Variants in ZFYVE26 observed in about 807,000 individuals in gnomAD.
ZFYVE26 encodes zinc finger FYVE domain-containing protein 26.
In ZFYVE26, 181 loss-of-function variants were observed where a neutral mutation model predicts 276.5. The ratio of observed to expected loss-of-function variants is 0.65; its 90% CI spans 0.58 to 0.74. The LOEUF is 0.74. Among genes scored for constraint, ZFYVE26 ranks in the 30% least tolerant of loss-of-function variants. ZFYVE26 has a pLI of 0.00. For synonymous variants in ZFYVE26, 1,129 were observed against 1,203.1 expected (o/e 0.94, Z 1.27); for missense variants, 2,821 against 3,097.9 (o/e 0.91, Z 2.12).
At chr14:67,797,360 A>T in intron 12 of ZFYVE26, 1 of 384,136 alleles carries the variant, frequency 2.6e-6, no homozygotes, top group South Asian at 2.6e-5. Context: ...GGTAAGTGAA[A>T]AAAGTTCTCA....
chr14:67,785,271 C>G lies in ZFYVE26; in HGVS notation c.3311G>C (p.Arg1104Thr). 1 of 1,602,164 alleles carries G rather than the reference C, an allele frequency of 6.2e-7. No individual in the cohort carries two copies. The highest frequency in any genetic ancestry group is 8.5e-7 in the Non-Finnish European group (1 of 1,174,252). ...CACCAGGGAAGACAGTGGAGGAGTC[C>G]TGGGCTCTGAGAGGAGGATGGCAGG... ...LREALELPEP[R>T]TPPLSSLVEQ... is the part of the protein sequence containing the mutation. Residue 1104 changes from arginine to threonine, a missense_variant, in exon 19 of 42, where the codon AGG (arginine) becomes ACG (threonine). By Grantham distance (71) the Arg-to-Thr change is moderately conservative. Transcript: ENST00000347230.
intron 20 of ZFYVE26, 79 bp downstream of exon 20, chr14:67,784,255 A>G (rs2039589411): frequency 8.4e-7 from 1 of 1,197,552 alleles, no homozygotes. Context: ...AACCCCAAGC[A>G]CCACCGCACT....
intron 16 of ZFYVE26, among the ~76,000 whole-genome samples, chr14:67,788,401 C>CACAA (rs753870262): frequency 9.2e-5 from 14 of 152,204 alleles, no homozygotes; most frequent in African/African-American, 2.4e-4. Context: ...ATCTCAAAAA[C>CACAA]ACAAACAAAC....
intron 32 of ZFYVE26, among the ~76,000 whole-genome samples, chr14:67,765,495 G>C (rs1377786978): frequency 6.6e-6 from 1 of 152,168 alleles, no homozygotes; most frequent in Non-Finnish European, 1.5e-5. Flanking sequence ...AGTATTCCAA[G>C]CAAATGTCTG....
intron 36 of ZFYVE26, 114 bp downstream of exon 36, chr14:67,755,834 C>A: frequency 7.6e-7 from 1 of 1,323,156 alleles, no homozygotes; most frequent in Non-Finnish European, 1.1e-6. Context: ...CTAGGGTCAG[C>A]CAAACAGCAA....
intron 32 of ZFYVE26, among the ~76,000 whole-genome samples, chr14:67,764,054 G>A (rs1566869739): frequency 6.6e-6 from 1 of 152,108 alleles, no homozygotes; most frequent in Admixed American, 6.5e-5. Flanking sequence ...TTAAGGATGG[G>A]CCCTCATTAT....
At chr14:67,785,321 T>C in intron 18 of ZFYVE26, 44 bp from the exon 19 acceptor site, 1 of 1,534,688 alleles carries the variant, frequency 6.5e-7, no homozygotes, top group South Asian at 1.2e-5. Flanking sequence ...CTTCAGTCTG[T>C]GAGTCCAGCT....
chr14:67,775,905 C>A lies in ZFYVE26; in HGVS notation c.5176G>T (p.Glu1726Ter). The A allele has an allele frequency of 6.2e-7, 1 of 1,614,230 alleles. No individual in the cohort carries two copies. The highest frequency in any genetic ancestry group is 1.1e-5 in the South Asian group (1 of 91,082). Reference sequence around the variant, plus strand: ...GGGTATGGAAAGTCCAGGGCTTTCTCTGCGTATCTGGAAAGCAGTGAGTCC... The same window carrying A: ...GGGTATGGAAAGTCCAGGGCTTTCTATGCGTATCTGGAAAGCAGTGAGTCC... ...EVDSLLSRYA[E>*]KALDFPYPQR... The change falls in exon 26 of 42, where the codon GAG (glutamate) becomes TAG (stop). Residue 1726 changes from glutamate (E) to a stop codon, truncating the protein, a stop_gained. Coordinates refer to ENST00000347230, the MANE Select transcript of ZFYVE26 (RefSeq NM_015346.4). LOFTEE classifies it high-confidence loss of function.
chr14:67,772,516 C>T (rs952486691), intron 27 of ZFYVE26, among the ~76,000 whole-genome samples: 5 of 152,296 alleles, frequency 3.3e-5, no homozygotes, highest in South Asian at 2.1e-4. Flanking sequence ...CAGATTGCCA[C>T]AGGAAGGCAG....
rs574871334 is a variant in ZFYVE26, at chr14:67,748,468, G to A, written c.7588C>T (p.Arg2530Trp). ...CTGGAGCCTGGGCCATGGGCACCCC[G>A]GGGGTGGCTTGTCAGAAGCCACTGG... ...CAQWLLTSHP[R>W]GAHGPGSRK Residue 2530 changes from arginine to tryptophan, a missense_variant, in exon 42 of 42, where the codon CGG (arginine) becomes TGG (tryptophan). Coordinates refer to ENST00000347230, the MANE Select transcript of ZFYVE26 (RefSeq NM_015346.4). 49 of 1,612,772 alleles carry A rather than the reference G, an allele frequency of 3.0e-5. 1 individual carries two copies. Among genetic ancestry groups the A allele is most frequent in the South Asian group, 2.1e-4 (19 of 91,020 alleles).
Position 67,804,257 on chromosome 14 carries a change from T to A in ZFYVE26, c.1279A>T (p.Ile427Leu), listed in dbSNP as rs1049361995. 6.2e-7 allele frequency: 1 copy of A among 1,614,066 alleles called. No homozygotes were observed. The highest frequency in any genetic ancestry group is 8.5e-7 in the Non-Finnish European group (1 of 1,180,032). ...EWCIQQSSNP[I>L]PKRDLLYHLH... ...TGATACAACAGATCTCTCTTTGGTA[T>A]GGGGTTGCTGAATGGAAAAGTTGGG... Residue 427 changes from isoleucine (I) to leucine (L), a missense_variant, in exon 9 of 42, where the codon ATA (isoleucine) becomes TTA (leucine). Ile to Leu is a conservative substitution (Grantham distance 5, BLOSUM62 2). Coordinates refer to ENST00000347230, the MANE Select transcript of ZFYVE26 (RefSeq NM_015346.4).
intron 13 of ZFYVE26, among the ~76,000 whole-genome samples, chr14:67,736,134 G>A (rs1041150529): frequency 6.6e-6 from 1 of 152,222 alleles, no homozygotes; most frequent in Non-Finnish European, 1.5e-5. Context: ...GGGCAGAGAT[G>A]TATCTTAGAA....
At chr14:67,790,505 G>C in intron 15 of ZFYVE26, 67 bp downstream of exon 15, 1 of 1,539,802 alleles carries the variant, frequency 6.5e-7, no homozygotes. Context: ...GGATTTTAGT[G>C]GTTTCTCCCC....
intron 41 of ZFYVE26, 29 bp downstream of exon 41, chr14:67,751,023 C>T (rs2038624113): frequency 1.2e-6 from 2 of 1,613,988 alleles, no homozygotes; most frequent in African/African-American, 1.3e-5. Context: ...TCATTGGCAT[C>T]ACCAGCGTTT....
At chr14:67,811,617 A>G (rs1337177189) in intron 3 of ZFYVE26, among the ~76,000 whole-genome samples, 3 of 151,924 alleles carry the variant, frequency 2.0e-5, no homozygotes, top group Non-Finnish European at 2.9e-5. Context: ...ATATACAAAT[A>G]AGTAAACTAA....
chr14:67,787,990 C>T (rs569243953), intron 16 of ZFYVE26, among the ~76,000 whole-genome samples: 1 of 152,144 alleles, frequency 6.6e-6, no homozygotes, highest in Non-Finnish European at 1.5e-5. Flanking sequence ...TGGCCCTAAA[C>T]TCTTTGTACA....
intron 3 of ZFYVE26, 58 bp downstream of exon 3, chr14:67,813,928 A>T: frequency 8.3e-7 from 1 of 1,200,830 alleles, no homozygotes; most frequent in Non-Finnish European, 1.2e-6. Context: ...TCCCACAACT[A>T]CTTTCAAGTT....
At position 67,780,287 on chromosome 14, in the gene ZFYVE26, C is replaced by A; in HGVS notation, c.4628G>T (p.Cys1543Phe). 1 of 1,613,986 alleles carries A rather than the reference C, an allele frequency of 6.2e-7. No homozygotes were observed. ...WCDWQTLRSCCVEDPSTVMNM... is the reference protein window; with the variant it reads ...WCDWQTLRSCFVEDPSTVMNM... ...CATGACAGTTGATGGGTCCTCAACA[C>A]AACAGCTCCTCAAGGTCTGCCAGTC... is the stretch of plus-strand genomic sequence containing the variant. Residue 1543 changes from cysteine to phenylalanine, a missense_variant, in exon 23 of 42, where the codon TGT becomes TTT. Cys to Phe is a radical substitution (Grantham distance 205). Transcript: ENST00000347230.
rs2038539010 is a variant in ZFYVE26 at position 67,748,304 on chromosome 14, C to T, written c.*132G>A. On this transcript the variant is annotated 3_prime_UTR_variant, in exon 42 of 42. Coordinates refer to ENST00000347230, the MANE Select transcript of ZFYVE26 (RefSeq NM_015346.4). ...CTTGCCCGGGAAGGCAAGTAGGGTC[C>T]AATCCAACTCTTTCCAACCTAGGGC... 4 of 1,023,420 alleles carry T rather than the reference C, an allele frequency of 3.9e-6. No homozygotes were observed. The highest frequency in any genetic ancestry group is 5.7e-6 in the Non-Finnish European group (4 of 706,300). The allele number at this position is 1,023,420 out of a possible 1,614,324, so 63.4% of individuals were successfully genotyped here.
Sources: allele counts gnomAD v4.1 joint callset (sites outside exome capture counted in the v4.1 genomes callset), GRCh38; gene constraint gnomAD v4.1.1; transcripts MANE v1.5; gene names NCBI Gene and HGNC (gene_info 2026-07-23, HGNC 2026-07-21).